The following ZNF717 variants were observed in gnomAD, a reference collection of about 807,000 sequenced individuals.
ZNF717 encodes the protein zinc finger protein 717.
ZNF717 carries 9 observed loss-of-function variants against 13.8 expected under a neutral mutation model. The observed-to-expected ratio is 0.65, with a 90% CI of 0.39 to 1.14. The LOEUF (loss-of-function observed/expected upper bound fraction) is 1.14. Among genes scored for constraint, ZNF717 ranks in the 50% most tolerant of loss-of-function variants. ZNF717 has a pLI of 0.01. For synonymous variants in ZNF717, 327 were observed against 364.1 expected (o/e 0.90, Z 1.16); for missense variants, 1,040 against 1,080.7 (o/e 0.96, Z 0.53).
intron 4 of ZNF717, among the ~76,000 whole-genome samples, chr3:75,741,043 G>A (rs1940353396): frequency 6.6e-6 from 1 of 152,188 alleles, no homozygotes; most frequent in Admixed American, 6.5e-5. Context: ...GGCCTAAGGA[G>A]AGGATGGCAG....
intron 6 of ZNF717, among the ~76,000 whole-genome samples, chr3:75,702,334 G>T (rs1326526168): frequency 1.3e-5 from 2 of 152,412 alleles, no homozygotes; most frequent in East Asian, 3.8e-4. Context: ...AAATGGAACT[G>T]TAAGTCTTTA....
chr3:75,730,415 G>A (rs200439742), exon 6 of ZNF717: 2 of 420,832 alleles, frequency 4.8e-6, no homozygotes, highest in African/African-American at 4.5e-5. Context: ...GTAAAAAGGG[G>A]AGTTTTATTT....
chr3:75,749,041 C>T (rs6794783), intron 2 of ZNF717, among the ~76,000 whole-genome samples: 110,669 of 150,476 alleles, frequency 0.74, 41,047 homozygotes, highest in East Asian at 0.8. Flanking sequence ...TTCCAGAACA[C>T]TGCTACAAGG....
intron 2 of ZNF717, among the ~76,000 whole-genome samples, chr3:75,773,718 T>C (rs1240351421): frequency 2.0e-5 from 3 of 152,080 alleles, no homozygotes; most frequent in Non-Finnish European, 4.4e-5. Flanking sequence ...AGAGCTATAA[T>C]GTGGTGAGGA....
chr3:75,714,448 G>A (rs367653415), intron 5 of ZNF717, among the ~76,000 whole-genome samples: 1 of 151,998 alleles, frequency 6.6e-6, no homozygotes, highest in East Asian at 1.9e-4. Flanking sequence ...ATTACAGAGT[G>A]AGGATTATTA....
intron 2 of ZNF717, among the ~76,000 whole-genome samples, chr3:75,745,347 A>G (rs1368712510): frequency 6.6e-6 from 1 of 152,050 alleles, no homozygotes; most frequent in Non-Finnish European, 1.5e-5. Flanking sequence ...ATCCTATCTG[A>G]AGGACAAGCA....
chr3:75,782,748 G>A (rs531776326), intron 2 of ZNF717, among the ~76,000 whole-genome samples: 12 of 152,100 alleles, frequency 7.9e-5, no homozygotes, highest in African/African-American at 2.2e-4. Flanking sequence ...ACAACATGCC[G>A]TGCTTTAGCG....
At chr3:75,699,700 C>A (rs1185693644) in intron 6 of ZNF717, among the ~76,000 whole-genome samples, 1 of 152,366 alleles carries the variant, frequency 6.6e-6, no homozygotes, top group African/African-American at 2.4e-5. Context: ...AACCTATTTT[C>A]TTTATAAATT....
intron 2 of ZNF717, among the ~76,000 whole-genome samples, chr3:75,751,518 T>C (rs1183754540): frequency 1.3e-5 from 2 of 149,958 alleles, no homozygotes; most frequent in African/African-American, 4.9e-5. Flanking sequence ...GTCCCTCACA[T>C]AGGATTCCAG....
intron 4 of ZNF717, among the ~76,000 whole-genome samples, chr3:75,724,412 C>T (rs1330159391): frequency 6.6e-6 from 1 of 151,078 alleles, no homozygotes; most frequent in Non-Finnish European, 1.5e-5. Flanking sequence ...TCACCCCTGG[C>T]TAATATTTTT....
intron 4 of ZNF717, among the ~76,000 whole-genome samples, chr3:75,720,043 C>T (rs1252479227): frequency 6.6e-6 from 1 of 151,640 alleles, no homozygotes; most frequent in Non-Finnish European, 1.5e-5. Flanking sequence ...AATGCCTATA[C>T]ACTCTTGGTA....
chr3:75,723,248 C>T (rs1291320246), intron 4 of ZNF717, among the ~76,000 whole-genome samples: 3 of 88,666 alleles, frequency 3.4e-5, no homozygotes, highest in African/African-American at 4.4e-5. Flanking sequence ...GACAATCTCA[C>T]TTTTTTTTTT....
downstream of ZNF717, among the ~76,000 whole-genome samples, chr3:75,728,754 A>G (rs1385636041): frequency 5.6e-3 from 837 of 149,196 alleles, no homozygotes; most frequent in African/African-American, 0.021. Flanking sequence ...CTGTGAGTCA[A>G]TTAAACCTCT....
chr3:75,748,394 A>T (rs62246617), intron 2 of ZNF717, among the ~76,000 whole-genome samples: 12,167 of 152,204 alleles, frequency 0.08, 810 homozygotes, highest in African/African-American at 0.17. Context: ...CAAAAAAGAG[A>T]ATTTTAGACC....
At chr3:75,765,007 A>ATG (rs1559661667) in intron 2 of ZNF717, among the ~76,000 whole-genome samples, 4 of 26,784 alleles carry the variant, frequency 1.5e-4, no homozygotes, top group African/African-American at 3.5e-4. Context: ...ATATATATAT[A>ATG]TATATATATA....
Position 75,737,145 on chromosome 3 carries a change from C to G in ZNF717, c.2478G>C (p.Lys826Asn). Residue 826 changes from lysine (K) to asparagine (N), a missense_variant, in exon 5 of 5, where the codon AAG becomes AAC. By Grantham distance (94) the Lys-to-Asn change is moderately conservative (BLOSUM62 0). Around this residue, in one of 3 missense-constraint regions of ZNF717, gnomAD observed 873 missense variants for 832.8 expected, o/e 1.05. Transcript: ENST00000652011. ...TTCTGTGATGTACAAAGAGTTTTGACTTCTGGGAGAAGGTTTTCCTACATT... is the reference window on the plus strand; with the variant it reads ...TTCTGTGATGTACAAAGAGTTTTGAGTTCTGGGAGAAGGTTTTCCTACATT... ...CKECRKTFSQ[K>N]SKLFVHHRTH... The G allele has an allele frequency of 1.9e-6, 3 of 1,562,794 alleles. No homozygotes were observed. The Middle Eastern group carries it at 5.0e-4, about 261-fold the overall frequency.
chr3:75,781,624 T>C (rs1453217411), intron 2 of ZNF717, among the ~76,000 whole-genome samples: 2 of 152,174 alleles, frequency 1.3e-5, no homozygotes, highest in East Asian at 3.9e-4. Context: ...AAACTCCATT[T>C]GGCTCCTTCA....
intron 1 of ZNF717, chr3:75,784,640 C>T (rs1325897433): frequency 6.6e-6 from 1 of 152,218 alleles, no homozygotes; most frequent in Non-Finnish European, 1.5e-5. Flanking sequence ...TTTCCTAGGT[C>T]CTTGCCTGTT....
intron 2 of ZNF717, among the ~76,000 whole-genome samples, chr3:75,783,062 C>T (rs73843066): frequency 1.3e-5 from 2 of 152,322 alleles, no homozygotes; most frequent in African/African-American, 4.8e-5. Flanking sequence ...ATTCCAATCA[C>T]GTAACAACCA....
Sources: gnomAD v4.1 joint callset for allele counts (sites outside exome capture counted in the v4.1 genomes callset) on GRCh38, gnomAD v4.1.1 for gene constraint, gnomAD v4.1.1 regional missense constraint, MANE v1.5 for transcripts, NCBI Gene and HGNC (gene_info 2026-07-23, HGNC 2026-07-21) for gene names.